CFHR4: variants seen among roughly 807,000 people sequenced by gnomAD.
CFHR4 encodes the protein complement factor H-related protein 4.
A neutral mutation model predicts 69.3 loss-of-function variants in CFHR4; 64 were observed. The observed-to-expected ratio is 0.92, with a 90% CI of 0.76 to 1.14. The LOEUF is 1.14. Among genes scored for constraint, CFHR4 ranks in the 50% most tolerant of loss-of-function variants. The pLI is 0.00. For missense variants in CFHR4, 636 were observed against 684.9 expected, an observed-to-expected ratio of 0.93 and a Z score of 0.80; for synonymous variants, 244 against 237.0, an observed-to-expected ratio of 1.03 and a Z score of -0.27.
At position 196,907,034 on chromosome 1, in the gene CFHR4, T is replaced by C. The variant is rs560613052; in HGVS notation, c.613T>C (p.Tyr205His). Residue 205 changes from tyrosine to histidine, a missense_variant, in exon 4 of 10, where the codon TAT becomes CAT. Tyr to His is a moderately conservative substitution (Grantham distance 83). Around this residue, in one of 3 missense-constraint regions of CFHR4, gnomAD observed 529 missense variants for 533.2 expected, o/e 0.99. Transcript: ENST00000608469. ...EDGWSHLPTC[Y>H]NSSENCGPPP... ...TGGCTGGTCCCATTTGCCAACATGC[T>C]ATAGTAAGTATTTTATTCAAGTATT... 31 of 1,606,036 alleles carry C rather than the reference T, an allele frequency of 1.9e-5. No homozygotes were observed. The African/African-American group carries it at 3.1e-4, about 16-fold the overall frequency.
At chr1:196,888,637 G>T (rs1489337865) in intron 1 of CFHR4, among the ~76,000 whole-genome samples, 1 of 150,836 alleles carries the variant, frequency 6.6e-6, no homozygotes, top group Admixed American at 6.6e-5. Flanking sequence ...TATCAAAACA[G>T]CAAATAAAAT....
chr1:196,902,597 C>G lies in CFHR4; in HGVS notation c.238C>G (p.Pro80Ala). 1 of 1,610,950 alleles carries G rather than the reference C, an allele frequency of 6.2e-7. No homozygotes were observed. Among genetic ancestry groups the G allele is most frequent in the Non-Finnish European group, 8.5e-7 (1 of 1,178,194 alleles). The part of the protein sequence containing the change: ...YIHCTQDGWS[P>A]TVPCLRTCSK... ...TCATTGCACACAAGATGGTTGGTCA[C>G]CAACGGTCCCATGCCTCAGTAAGTA... is the stretch of plus-strand genomic sequence containing the variant. The change falls in exon 2 of 10, where the codon CCA (proline) becomes GCA (alanine). Residue 80 changes from proline to alanine, a missense_variant. This residue lies in a region of CFHR4 where 529 missense variants were observed against 533.2 expected (regional missense o/e 0.99). Transcript: ENST00000608469.
intron 1 of CFHR4, among the ~76,000 whole-genome samples, chr1:196,896,979 G>A (rs1657335138): frequency 6.6e-6 from 1 of 151,490 alleles, no homozygotes; most frequent in Admixed American, 6.6e-5. Context: ...AATACGCTGT[G>A]TTGGTTTGCT....
Position 196,910,385 on chromosome 1 carries a change from T to C in CFHR4, c.904T>C (p.Tyr302His). ...AGCTACAGGACAATCTTACTCCTAT[T>C]ACTGTGACCAAAATTTTGTGACTCC... ...PVATGQSYSY[Y>H]CDQNFVTPSG... Residue 302 changes from tyrosine (Y) to histidine (H), a missense_variant, in exon 6 of 10, where the codon TAC (tyrosine) becomes CAC (histidine). Coordinates refer to ENST00000608469, the MANE Select transcript of CFHR4 (RefSeq NM_001201550.3). The C allele has an allele frequency of 6.2e-7, 1 of 1,612,346 alleles. No homozygotes were observed. The highest frequency in any genetic ancestry group is 1.1e-5 in the South Asian group (1 of 91,042).
At chr1:196,911,385 A>C (rs1261968396) in intron 6 of CFHR4, among the ~76,000 whole-genome samples, 2 of 151,492 alleles carry the variant, frequency 1.3e-5, no homozygotes, top group African/African-American at 4.9e-5. Flanking sequence ...AATCATGCTA[A>C]ATGCATTGAT....
At chr1:196,905,647 A>AG (rs1298350172) in intron 3 of CFHR4, among the ~76,000 whole-genome samples, 2 of 151,436 alleles carry the variant, frequency 1.3e-5, no homozygotes, top group African/African-American at 4.9e-5. Flanking sequence ...AACTGCTTGT[A>AG]TTGTATTCCT....
chr1:196,888,515 T>C (rs1483586963), intron 1 of CFHR4, among the ~76,000 whole-genome samples: 1 of 151,390 alleles, frequency 6.6e-6, no homozygotes, highest in Non-Finnish European at 1.5e-5. Context: ...TGTCATTAGA[T>C]AGATTCTAAC....
chr1:196,903,339 A>G (rs1657722739), intron 2 of CFHR4, among the ~76,000 whole-genome samples: 1 of 151,248 alleles, frequency 6.6e-6, no homozygotes, highest in South Asian at 2.1e-4. Flanking sequence ...GTCACTTAAT[A>G]GGGCCAAGCA....
In CFHR4 at chr1:196,918,273, A is replaced by T. The variant is rs1174954904; in HGVS notation, c.1604A>T (p.Asp535Val). The T allele has an allele frequency of 1.2e-6, 2 of 1,608,392 alleles. No homozygotes were observed. Among genetic ancestry groups the T allele is most frequent in the East Asian group, 4.5e-5 (2 of 44,666 alleles). Residue 535 changes from aspartate to valine, a missense_variant, in exon 10 of 10, where the codon GAC (aspartate) becomes GTC (valine). This residue lies in a region of CFHR4 where 85 missense variants were observed against 79.0 expected (regional missense o/e 1.08). Transcript: ENST00000608469. The stretch of plus-strand genomic sequence containing the variant: ...AACATACAGTTAAAAGGAAAAAGTG[A>T]CATAAAATATTATGCAAAAACAGGG... ...KNNIQLKGKS[D>V]IKYYAKTGDT...
chr1:196,909,403 A>G (rs1256293019), intron 5 of CFHR4, among the ~76,000 whole-genome samples: 1 of 151,548 alleles, frequency 6.6e-6, no homozygotes, highest in African/African-American at 2.4e-5. Context: ...ATTCCAGAAC[A>G]GCAGAAAACT....
chr1:196,901,408 C>A (rs1422880418), intron 1 of CFHR4, among the ~76,000 whole-genome samples: 1 of 151,224 alleles, frequency 6.6e-6, no homozygotes, highest in Non-Finnish European at 1.5e-5. Context: ...ACTGTAGAAA[C>A]TGCCTGAAAA....
chr1:196,917,658 G>A (rs1177052482), intron 9 of CFHR4, among the ~76,000 whole-genome samples: 1 of 150,622 alleles, frequency 6.6e-6, no homozygotes, highest in East Asian at 1.9e-4. Context: ...AGATATTGAG[G>A]TGTATGTATG....
At chr1:196,897,738 G>A (rs1486656746) in intron 1 of CFHR4, among the ~76,000 whole-genome samples, 1 of 151,218 alleles carries the variant, frequency 6.6e-6, no homozygotes, top group Non-Finnish European at 1.5e-5. Flanking sequence ...TTGTTCAGCC[G>A]CGTATGTGTG....
intron 1 of CFHR4, among the ~76,000 whole-genome samples, chr1:196,896,659 C>T (rs1657310485): frequency 6.6e-6 from 1 of 151,528 alleles, no homozygotes; most frequent in Admixed American, 6.6e-5. Flanking sequence ...TGACACTGTG[C>T]TAGGAGCTAA....
chr1:196,889,052 C>T (rs1157844643), intron 1 of CFHR4, among the ~76,000 whole-genome samples: 1 of 151,202 alleles, frequency 6.6e-6, no homozygotes, highest in Non-Finnish European at 1.5e-5. Context: ...AGGTGTGTCA[C>T]CATTAATGAA....
At chr1:196,904,874 G>C (rs1657825258) in intron 2 of CFHR4, among the ~76,000 whole-genome samples, 1 of 151,502 alleles carries the variant, frequency 6.6e-6, no homozygotes, top group Non-Finnish European at 1.5e-5. Context: ...CTCAAGGCCT[G>C]CCAGAGCTCT....
At chr1:196,890,953 C>T (rs767526850) in intron 1 of CFHR4, among the ~76,000 whole-genome samples, 3 of 151,392 alleles carry the variant, frequency 2.0e-5, no homozygotes, top group Non-Finnish European at 2.9e-5. Flanking sequence ...TCGAAAATGT[C>T]GTTTATTAAG....
intron 1 of CFHR4, among the ~76,000 whole-genome samples, chr1:196,889,822 G>A (rs796532254): frequency 2.0e-4 from 31 of 151,430 alleles, no homozygotes; most frequent in African/African-American, 7.3e-4. Context: ...GATTCAGGTG[G>A]GACCTACTCC....
At chr1:196,914,747 A>G (rs975897815) in intron 8 of CFHR4, 76 bp downstream of exon 8, 4 of 1,416,298 alleles carry the variant, frequency 2.8e-6, no homozygotes, top group African/African-American at 1.5e-5. Flanking sequence ...ATGTACACAT[A>G]TGTGTGTACA....
Sources: gnomAD v4.1 joint callset for allele counts (sites outside exome capture counted in the v4.1 genomes callset) on GRCh38, gnomAD v4.1.1 for gene constraint, gnomAD v4.1.1 regional missense constraint, MANE v1.5 for transcripts, NCBI Gene and HGNC (gene_info 2026-07-23, HGNC 2026-07-21) for gene names.